ASAH2: variants seen among roughly 807,000 people sequenced by gnomAD.
ASAH2 encodes N-acylsphingosine amidohydrolase 2, also known as neutral ceramidase.
In ASAH2, 58 loss-of-function variants were observed where a neutral mutation model predicts 82.9. That is an observed-to-expected ratio of 0.70 (90% confidence interval 0.57 to 0.87). The LOEUF is 0.87. Ranked by LOEUF, ASAH2 falls within the 40% of genes least tolerant of loss-of-function variation. The pLI, the probability that ASAH2 is intolerant of heterozygous loss-of-function variation, is 0.00. For synonymous variants in ASAH2, 276 were observed against 289.7 expected (o/e 0.95, Z 0.48); for missense variants, 779 against 834.0 (o/e 0.93, Z 0.81).
chr10:50,217,605 C>A (rs914628365), intron 8 of ASAH2, among the ~76,000 whole-genome samples: 14 of 152,094 alleles, frequency 9.2e-5, no homozygotes, highest in Non-Finnish European at 1.0e-4. Flanking sequence ...TAGCATGAGG[C>A]CCTCACCAGA....
At chr10:50,243,376 C>A in intron 3 of ASAH2, 25 bp from the exon 4 acceptor site, 1 of 1,609,228 alleles carries the variant, frequency 6.2e-7, no homozygotes, top group South Asian at 1.1e-5. Context: ...ACAATCAGAG[C>A]TGCTCTGTCT....
chr10:50,250,409 C>T (rs1440871783), intron 1 of ASAH2, among the ~76,000 whole-genome samples: 5 of 152,084 alleles, frequency 3.3e-5, no homozygotes, highest in African/African-American at 4.8e-5. Context: ...CACCATAATG[C>T]CCTTAACCAC....
Position 50,195,029 on chromosome 10 carries a change from G to A in ASAH2, c.2004+1744C>T, listed in dbSNP as rs1284200246. ...GACCCCTAATGCAAAAGCAACAAAA[G>A]CAAAAACAGACACATATTACATCAA... On this transcript the variant is annotated intron_variant, in intron 18 of 20. Coordinates refer to ENST00000682911, the MANE Select transcript of ASAH2 (RefSeq NM_019893.4). Among the ~76,000 whole-genome samples, 411 of 148,150 alleles carry A rather than the reference G, an allele frequency of 2.8e-3. 1 individual carries two copies. Among genetic ancestry groups the A allele is most frequent in the African/African-American group, 8.4e-3 (340 of 40,494 alleles).
Position 50,245,244 on chromosome 10 carries a change from C to A in ASAH2, c.338G>T (p.Gly113Val), listed in dbSNP as rs749343345. 1.9e-5 allele frequency: 30 copies of A among 1,613,862 alleles called. No individual in the cohort carries two copies. The highest frequency in any genetic ancestry group is 2.5e-5 in the Non-Finnish European group (29 of 1,179,914). ...TGCCAAATTGATATCTGCTACTTGT[C>A]CTGTGCAGTCAGCTCGTCCAACACC... is the stretch of plus-strand genomic sequence containing the variant. ...HIGVGRADCT[G>V]QVADINLMGY... Residue 113 changes from glycine to valine, a missense_variant, in exon 3 of 21, where the codon GGA becomes GTA. Coordinates refer to ENST00000682911, the MANE Select transcript of ASAH2 (RefSeq NM_019893.4).
At chr10:50,248,178 A>G (rs1428470079) in intron 2 of ASAH2, among the ~76,000 whole-genome samples, 1 of 152,226 alleles carries the variant, frequency 6.6e-6, no homozygotes, top group African/African-American at 2.4e-5. Flanking sequence ...TTAGAGGCTC[A>G]TGGTAAAAGC....
chr10:50,219,949 C>T (rs1564841813), intron 7 of ASAH2, among the ~76,000 whole-genome samples: 1 of 152,304 alleles, frequency 6.6e-6, no homozygotes, highest in East Asian at 1.9e-4. Flanking sequence ...AGCTCTTCTC[C>T]TTTATTCAAA....
rs1044386270 is a variant in ASAH2, at chr10:50,220,057, T to C, written c.894-1427A>G. On this transcript the variant is annotated intron_variant, in intron 7 of 20. Coordinates refer to ENST00000682911, the MANE Select transcript of ASAH2 (RefSeq NM_019893.4). Reference sequence around the variant, plus strand: ...ACAAAGGACGGGAACTGCTATACATTAAGAGACTTAAAACTTGTAGCCAAC... The same window carrying C: ...ACAAAGGACGGGAACTGCTATACATCAAGAGACTTAAAACTTGTAGCCAAC... Among the ~76,000 whole-genome samples the C allele has an allele frequency of 2.8e-4, 43 of 152,324 alleles. 1 individual carries two copies. Among genetic ancestry groups the C allele is most frequent in the African/African-American group, 1.0e-3 (42 of 41,582 alleles).
intron 1 of ASAH2, among the ~76,000 whole-genome samples, chr10:50,249,433 C>T (rs1262459556): frequency 6.6e-6 from 1 of 151,880 alleles, no homozygotes; most frequent in African/African-American, 2.4e-5. Context: ...AAGTTAAAAC[C>T]CCATATAATG....
At chr10:50,217,879 T>A (rs1343505794) in intron 8 of ASAH2, among the ~76,000 whole-genome samples, 3 of 152,100 alleles carry the variant, frequency 2.0e-5, no homozygotes, top group Non-Finnish European at 2.9e-5. Flanking sequence ...AATCATAACA[T>A]TTTGGGAGGC....
At chr10:50,199,416 C>T (rs1349774120) in intron 16 of ASAH2, among the ~76,000 whole-genome samples, 6 of 151,804 alleles carry the variant, frequency 4.0e-5, no homozygotes, top group Non-Finnish European at 7.4e-5. Context: ...ACGGTGCTAG[C>T]TCCTAAGCTT....
rs1305373163 is a variant in ASAH2, at chr10:50,212,977, C to T, written c.1222G>A (p.Ala408Thr). 6.2e-6 allele frequency: 10 copies of T among 1,613,510 alleles called. No individual in the cohort carries two copies. The highest frequency in any genetic ancestry group is 8.5e-6 in the Non-Finnish European group (10 of 1,179,494). Reference protein sequence around the residue: ...QIIGRAMYQRAKELYASASQE... With the variant: ...QIIGRAMYQRTKELYASASQE... Reference sequence around the variant, plus strand: ...GAGCGAGGCCCATGGCTTACCTTTGCTCTCTGATACATGGCCCGTCCTATA... The same window carrying T: ...GAGCGAGGCCCATGGCTTACCTTTGTTCTCTGATACATGGCCCGTCCTATA... The change falls in exon 10 of 21, where the codon GCA (alanine) becomes ACA (threonine). Residue 408 changes from alanine (A) to threonine (T), a missense_variant. By Grantham distance (58) the Ala-to-Thr change is moderately conservative. This residue lies in a region of ASAH2 where 759 missense variants were observed against 755.2 expected (regional missense o/e 1.00). Transcript: ENST00000682911.
chr10:50,237,601 C>G (rs992140936), intron 4 of ASAH2, among the ~76,000 whole-genome samples: 8 of 152,144 alleles, frequency 5.3e-5, no homozygotes, highest in Non-Finnish European at 7.4e-5. Context: ...TACAAAGAGA[C>G]TCAGTAAATG....
At chr10:50,233,810 T>A (rs1248367875) in intron 6 of ASAH2, among the ~76,000 whole-genome samples, 1 of 152,080 alleles carries the variant, frequency 6.6e-6, no homozygotes, top group Non-Finnish European at 1.5e-5. Flanking sequence ...ACCAAGCACT[T>A]CTCTTCTGTT....
chr10:50,248,709 C>T, intron 1 of ASAH2, 63 bp from the exon 2 acceptor site: 1 of 1,270,978 alleles, frequency 7.9e-7, no homozygotes, highest in Non-Finnish European at 1.1e-6. Flanking sequence ...GTTAAGATAT[C>T]TTAGCTCTTT....
chr10:50,207,403 G>A (rs1158794093), intron 12 of ASAH2, among the ~76,000 whole-genome samples: 1 of 151,328 alleles, frequency 6.6e-6, no homozygotes, highest in African/African-American at 2.4e-5. Flanking sequence ...TTTTGAAAAG[G>A]TCAACAAAAT....
chr10:50,250,910 G>T (rs1468442798), intron 1 of ASAH2, among the ~76,000 whole-genome samples: 1 of 152,158 alleles, frequency 6.6e-6, no homozygotes, highest in Non-Finnish European at 1.5e-5. Flanking sequence ...CTGTTTAGCT[G>T]CCAGAATTGT....
At chr10:50,239,085 C>T (rs1846230314) in intron 4 of ASAH2, among the ~76,000 whole-genome samples, 1 of 152,160 alleles carries the variant, frequency 6.6e-6, no homozygotes, top group African/African-American at 2.4e-5. Flanking sequence ...TTTCGTCTCA[C>T]TGACACTCTT....
intron 13 of ASAH2, 65 bp downstream of exon 13, chr10:50,205,917 C>T (rs1417912325): frequency 1.1e-5 from 13 of 1,231,192 alleles, no homozygotes; most frequent in African/African-American, 3.0e-5. Context: ...CATTCATTAC[C>T]TGACAGTTCA....
chr10:50,185,780 GTTGAGA>G lies in ASAH2; in HGVS notation c.*1529_*1534del, dbSNP rs1844731645. 7.0e-6 allele frequency: 1 copy of G among 143,840 alleles called. No individual in the cohort carries two copies. The highest frequency in any genetic ancestry group is 1.5e-5 in the Non-Finnish European group (1 of 66,440). 8.9% of individuals were successfully genotyped at this position (143,840 alleles called of 1,614,324 possible). A position where few individuals can be genotyped will look rare whatever the true frequency, so the allele number is the denominator to read the frequency against. On this transcript the variant is annotated 3_prime_UTR_variant, in exon 21 of 21. Transcript: ENST00000682911. The stretch of plus-strand genomic sequence containing the variant: ...GGTTCATTCTAATTCAATAAATTAT[GTTGAGA>G]TTAAGTTATACATAATAGATGTTAA...
Sources: gnomAD v4.1 joint callset for allele counts (sites outside exome capture counted in the v4.1 genomes callset) on GRCh38, gnomAD v4.1.1 for gene constraint, gnomAD v4.1.1 regional missense constraint, MANE v1.5 for transcripts, NCBI Gene and HGNC (gene_info 2026-07-23, HGNC 2026-07-21) for gene names.